Variants in GLCE observed in about 807,000 individuals in gnomAD.
GLCE encodes glucuronic acid epimerase, also known as D-glucuronyl C5-epimerase.
A neutral mutation model predicts 47.9 loss-of-function variants in GLCE; 19 were observed. That is an observed-to-expected ratio of 0.40 (90% CI 0.28 to 0.58). The LOEUF is 0.58. Ranked by LOEUF, GLCE falls within the 20% of genes least tolerant of loss-of-function variation. The pLI is 0.48. For synonymous variants in GLCE, 245 were observed against 263.4 expected, an observed-to-expected ratio of 0.93 and a Z score of 0.68; for missense variants, 556 against 743.3, an observed-to-expected ratio of 0.75 and a Z score of 2.93.
intron 1 of GLCE, among the ~76,000 whole-genome samples, chr15:69,169,597 A>G (rs1403817306): frequency 1.5e-5 from 2 of 133,884 alleles, no homozygotes; most frequent in South Asian, 2.5e-4. Flanking sequence ...CCTGTGTCCA[A>G]GTGTTCTCAT....
intron 1 of GLCE, among the ~76,000 whole-genome samples, chr15:69,207,534 A>G (rs1178302925): frequency 6.6e-6 from 1 of 152,112 alleles, no homozygotes; most frequent in Non-Finnish European, 1.5e-5. Flanking sequence ...TCTTTCATTT[A>G]GAAAAATACA....
intron 2 of GLCE, among the ~76,000 whole-genome samples, chr15:69,233,982 GT>G (rs201893518): frequency 1.8e-3 from 257 of 141,472 alleles, no homozygotes; most frequent in Middle Eastern, 0.011. Context: ...AGATTTTTTT[GT>G]TTTTTTTTTT....
intron 2 of GLCE, among the ~76,000 whole-genome samples, chr15:69,247,388 G>T (rs759981041): frequency 6.6e-6 from 1 of 152,218 alleles, no homozygotes; most frequent in Non-Finnish European, 1.5e-5. Flanking sequence ...GAGGGTTAGG[G>T]CTTTGCTGTG....
In GLCE at chr15:69,239,551, A is replaced by G. The variant is rs569997872; in HGVS notation, c.-13-16243A>G. ...TGGTACAAGCATCTGACTCCCTCTAACCCCACATCTAGTTACCACTGAAAT... is the reference window on the plus strand; with the variant it reads ...TGGTACAAGCATCTGACTCCCTCTAGCCCCACATCTAGTTACCACTGAAAT... On this transcript the variant is annotated intron_variant, in intron 2 of 4. Transcript: ENST00000261858. 5.7e-4 allele frequency among the ~76,000 whole-genome samples: 87 copies of G among 152,196 alleles called. 1 individual carries two copies. In the South Asian group the frequency reaches 6.8e-3, roughly 12 times the overall value.
At chr15:69,204,234 AT>A (rs1011220944) in intron 1 of GLCE, among the ~76,000 whole-genome samples, 2 of 124,184 alleles carry the variant, frequency 1.6e-5, no homozygotes, top group Non-Finnish European at 3.4e-5. Context: ...TAAAGCGACT[AT>A]TTTTTCCCTG....
chr15:69,179,680 T>G (rs547091923), intron 1 of GLCE, among the ~76,000 whole-genome samples: 13 of 152,206 alleles, frequency 8.5e-5, no homozygotes, highest in Admixed American at 3.3e-4. Context: ...TACCAACAAT[T>G]CAGTACAAAG....
intron 2 of GLCE, among the ~76,000 whole-genome samples, chr15:69,255,120 T>C (rs1468248849): frequency 6.6e-6 from 1 of 152,164 alleles, no homozygotes; most frequent in African/African-American, 2.4e-5. Flanking sequence ...AAAAATTCAT[T>C]GTTGGATTTA....
chr15:69,254,842 T>C (rs1785723359), intron 2 of GLCE, among the ~76,000 whole-genome samples: 1 of 152,166 alleles, frequency 6.6e-6, no homozygotes, highest in Non-Finnish European at 1.5e-5. Flanking sequence ...TAGTCAGCCT[T>C]GTATTTAAAG....
At chr15:69,203,797 A>G (rs1006560489) in intron 1 of GLCE, among the ~76,000 whole-genome samples, 1 of 152,164 alleles carries the variant, frequency 6.6e-6, no homozygotes, top group African/African-American at 2.4e-5. Context: ...GGCTTTAAAA[A>G]AAACCCTCAT....
chr15:69,161,330 A>T (rs919254550), intron 1 of GLCE, among the ~76,000 whole-genome samples: 18 of 151,002 alleles, frequency 1.2e-4, no homozygotes, highest in Non-Finnish European at 2.1e-4. Flanking sequence ...GGGTCTGTTC[A>T]TCGGTGTCTC....
chr15:69,237,204 A>G (rs993361466), intron 2 of GLCE, among the ~76,000 whole-genome samples: 2 of 152,168 alleles, frequency 1.3e-5, no homozygotes, highest in Non-Finnish European at 2.9e-5. Flanking sequence ...TATTCTCACA[A>G]TCATTTTTTC....
At chr15:69,256,665 G>A (rs1283524623) in intron 3 of GLCE, among the ~76,000 whole-genome samples, 3 of 152,162 alleles carry the variant, frequency 2.0e-5, no homozygotes, top group East Asian at 1.9e-4. Flanking sequence ...TAAAGGCATT[G>A]TTTCTCCAGA....
intron 2 of GLCE, among the ~76,000 whole-genome samples, chr15:69,212,094 G>A (rs935558195): frequency 6.6e-6 from 1 of 151,940 alleles, no homozygotes; most frequent in African/African-American, 2.4e-5. Flanking sequence ...AGCTGCAGAA[G>A]GGATGGAAAT....
intron 1 of GLCE, among the ~76,000 whole-genome samples, chr15:69,187,634 G>A (rs2051843608): frequency 6.6e-6 from 1 of 152,082 alleles, no homozygotes; most frequent in African/African-American, 2.4e-5. Context: ...TAACATGAAT[G>A]TACAATTTAA....
At chr15:69,225,343 A>G (rs2052432111) in intron 2 of GLCE, among the ~76,000 whole-genome samples, 1 of 152,098 alleles carries the variant, frequency 6.6e-6, no homozygotes, top group Non-Finnish European at 1.5e-5. Flanking sequence ...TCTTCAGTAA[A>G]CATTAGGATA....
chr15:69,260,911 C>T (rs2140447222), intron 3 of GLCE, 176 bp from the exon 4 acceptor site: 1 of 530,550 alleles, frequency 1.9e-6, no homozygotes, highest in East Asian at 2.9e-5. Context: ...TTTTGTTTTT[C>T]ACATCTGGTT....
chr15:69,191,821 C>T (rs1327209019), intron 1 of GLCE, among the ~76,000 whole-genome samples: 1 of 152,082 alleles, frequency 6.6e-6, no homozygotes, highest in East Asian at 1.9e-4. Flanking sequence ...AAGGATAGCA[C>T]TCCTGAGCCT....
At chr15:69,235,232 C>T (rs2052581326) in intron 2 of GLCE, among the ~76,000 whole-genome samples, 1 of 148,556 alleles carries the variant, frequency 6.7e-6, no homozygotes, top group Non-Finnish European at 1.5e-5. Context: ...CTCAGCCTCA[C>T]AAGTAGCTGG....
In GLCE at chr15:69,256,342, G is replaced by A; in HGVS notation, c.536G>A (p.Gly179Asp). Reference sequence around the variant, plus strand: ...GATGGTGTGTTTATGTCTTTTGAAGGCTACAATGTGGAAGTCCGAGACAGA... The same window carrying A: ...GATGGTGTGTTTATGTCTTTTGAAGACTACAATGTGGAAGTCCGAGACAGA... ...HPDGVFMSFE[G>D]YNVEVRDRVK... The change falls in exon 3 of 5, where the codon GGC becomes GAC. Residue 179 changes from glycine (G) to aspartate (D), a missense_variant. Physicochemically the swap from Gly to Asp is moderately conservative, Grantham distance 94. Coordinates refer to ENST00000261858, the MANE Select transcript of GLCE (RefSeq NM_015554.3). 6.2e-7 allele frequency: 1 copy of A among 1,613,770 alleles called. No individual in the cohort carries two copies. The highest frequency in any genetic ancestry group is 1.1e-5 in the South Asian group (1 of 91,070).
Sources: allele counts gnomAD v4.1 joint callset (sites outside exome capture counted in the v4.1 genomes callset), GRCh38; gene constraint gnomAD v4.1.1; transcripts MANE v1.5; gene names NCBI Gene and HGNC (gene_info 2026-07-23, HGNC 2026-07-21).